Variants in TNRC6B observed in about 807,000 individuals in gnomAD.
TNRC6B encodes the protein trinucleotide repeat containing adaptor 6B.
Under a neutral mutation model 203.6 loss-of-function variants are expected in TNRC6B, and 52 were observed. That is an observed-to-expected ratio of 0.26 (90% CI 0.20 to 0.32). The LOEUF is 0.32. TNRC6B is among the 10% of genes least tolerant of loss of function. The pLI is 1.00. For missense variants in TNRC6B, 1,923 were observed against 2,286.2 expected, an observed-to-expected ratio of 0.84 and a Z score of 3.24; for synonymous variants, 838 against 845.7, an observed-to-expected ratio of 0.99 and a Z score of 0.16.
At chr22:40,145,696 G>T (rs2413617) in intron 3 of TNRC6B, among the ~76,000 whole-genome samples, 54,490 of 151,912 alleles carry the variant, frequency 0.36, 13,116 homozygotes, top group African/African-American at 0.69. Flanking sequence ...ACAAAAATTA[G>T]CTGGGTGTGG....
chr22:40,141,811 G>A (rs528483346), intron 3 of TNRC6B, among the ~76,000 whole-genome samples: 2 of 151,960 alleles, frequency 1.3e-5, no homozygotes, highest in African/African-American at 2.4e-5. Context: ...GTCTTGCTCT[G>A]TCACCCAGGT....
At chr22:40,143,990 C>A (rs2068668803) in intron 3 of TNRC6B, among the ~76,000 whole-genome samples, 1 of 152,130 alleles carries the variant, frequency 6.6e-6, no homozygotes, top group Admixed American at 6.5e-5. Context: ...TATTCATGAG[C>A]AAAATACAAA....
rs111363369 is a variant in TNRC6B, at chr22:40,229,213, C to T, written c.6-16802C>T. Among the ~76,000 whole-genome samples the T allele has an allele frequency of 9.9e-5, 15 of 152,266 alleles. 1 individual carries two copies. Among genetic ancestry groups the T allele is most frequent in the African/African-American group, 3.6e-4 (15 of 41,548 alleles). The stretch of plus-strand genomic sequence containing the variant: ...CAGCTCTAAAAATTCAGACATTTGC[C>T]TTATTAAGCTCTTTTCTACAAGAGA... On this transcript the variant is annotated intron_variant, in intron 1 of 22. Coordinates refer to ENST00000454349, the MANE Select transcript of TNRC6B (RefSeq NM_001162501.2).
intron 1 of TNRC6B, among the ~76,000 whole-genome samples, chr22:40,193,833 A>C (rs1738041033): frequency 1.3e-5 from 2 of 151,962 alleles, no homozygotes; most frequent in South Asian, 4.2e-4. Context: ...AAGATAAAAC[A>C]TGTGGAACAG....
chr22:40,248,510 A>G (rs1009885622), intron 2 of TNRC6B, among the ~76,000 whole-genome samples: 3 of 152,228 alleles, frequency 2.0e-5, no homozygotes, highest in Non-Finnish European at 4.4e-5. Context: ...TTCTTAAACT[A>G]CAAATATCAA....
At chr22:40,271,006 C>T (rs958337928) in intron 6 of TNRC6B, among the ~76,000 whole-genome samples, 7 of 152,198 alleles carry the variant, frequency 4.6e-5, no homozygotes, top group South Asian at 2.1e-4. Flanking sequence ...CTTCCTTTGC[C>T]GTTGTCTCTC....
intron 1 of TNRC6B, among the ~76,000 whole-genome samples, chr22:40,055,232 A>G (rs2067783525): frequency 6.6e-6 from 1 of 152,292 alleles, no homozygotes; most frequent in East Asian, 1.9e-4. Context: ...ATTTAGTGTA[A>G]TAAGTGCTGT....
chr22:40,049,809 G>T (rs1311315439), intron 1 of TNRC6B, among the ~76,000 whole-genome samples: 1 of 151,934 alleles, frequency 6.6e-6, no homozygotes, highest in Non-Finnish European at 1.5e-5. Context: ...TCACCATGTT[G>T]GCCAGGCTGA....
intron 12 of TNRC6B, among the ~76,000 whole-genome samples, chr22:40,289,681 C>T (rs1019393435): frequency 6.6e-6 from 1 of 152,184 alleles, no homozygotes; most frequent in African/African-American, 2.4e-5. Flanking sequence ...TCTCAACCTT[C>T]GAACCTCTCC....
chr22:40,089,040 C>T (rs1366236551), intron 1 of TNRC6B, among the ~76,000 whole-genome samples: 1 of 152,004 alleles, frequency 6.6e-6, no homozygotes, highest in Non-Finnish European at 1.5e-5. Context: ...TGGAACATAC[C>T]AGTGATCTTG....
chr22:40,266,441 G>C lies in TNRC6B; in HGVS notation c.2211G>C (p.Gln737His), dbSNP rs1461408717. 1.2e-6 allele frequency: 2 copies of C among 1,613,952 alleles called. No individual in the cohort carries two copies. Among genetic ancestry groups the C allele is most frequent in the Non-Finnish European group, 1.7e-6 (2 of 1,179,864 alleles). ...SKDQGWGGGRQPNQGWSSGKN... is the reference protein window; with the variant it reads ...SKDQGWGGGRHPNQGWSSGKN... ...ATCAGGGGTGGGGAGGTGGACGCCA[G>C]CCCAATCAAGGATGGTCTTCTGGAA... is the stretch of plus-strand genomic sequence containing the variant. The change falls in exon 5 of 23, where the codon CAG becomes CAC. Residue 737 changes from glutamine to histidine, a missense_variant. Gln to His is a conservative substitution (Grantham distance 24). Transcript: ENST00000454349.
rs10534254 is a variant in TNRC6B at position 40,331,645 on chromosome 22, A to AT, written c.*8429dup. 2,405 of 133,108 alleles carry AT rather than the reference A, an allele frequency of 0.018. 45 individuals carry two copies. The highest frequency in any genetic ancestry group is 0.05 in the African/African-American group (1,150 of 22,880). The allele number at this position is 133,108 out of a possible 1,614,324, so 8.2% of individuals were successfully genotyped here. On this transcript the variant is annotated 3_prime_UTR_variant, in exon 23 of 23. Coordinates refer to ENST00000454349, the MANE Select transcript of TNRC6B (RefSeq NM_001162501.2). The stretch of plus-strand genomic sequence containing the variant: ...ACTGAATTTAAGAAGAGGTTGTTGG[A>AT]TTTTTTTTTTTTTTTTTTTTTTTTT...
At chr22:40,070,804 T>G (rs2067940069) in intron 1 of TNRC6B, among the ~76,000 whole-genome samples, 1 of 152,022 alleles carries the variant, frequency 6.6e-6, no homozygotes, top group Non-Finnish European at 1.5e-5. Context: ...ACTAATAAGA[T>G]GCACTTACCA....
At chr22:40,158,590 G>A (rs868065037) in intron 4 of TNRC6B, among the ~76,000 whole-genome samples, 42 of 152,104 alleles carry the variant, frequency 2.8e-4, no homozygotes, top group African/African-American at 9.4e-4. Context: ...CAAGTTTTAT[G>A]TTATACAAAC....
chr22:40,106,609 T>A, intron 1 of TNRC6B: 1 of 728,160 alleles, frequency 1.4e-6, no homozygotes, highest in Non-Finnish European at 2.5e-6. Context: ...TGTAGATAAG[T>A]TCATTTAGTG....
At chr22:40,307,071 T>G (rs12484951) in intron 15 of TNRC6B, among the ~76,000 whole-genome samples, 28,897 of 139,224 alleles carry the variant, frequency 0.21, 3,389 homozygotes, top group Admixed American at 0.35. Flanking sequence ...TCCAATCATT[T>G]TGAACTAGTA....
At chr22:40,157,488 G>A (rs970400859) in intron 4 of TNRC6B, among the ~76,000 whole-genome samples, 1 of 152,108 alleles carries the variant, frequency 6.6e-6, no homozygotes, top group Non-Finnish European at 1.5e-5. Flanking sequence ...GGCTCGTCTT[G>A]TATTTGTTGT....
intron 2 of TNRC6B, among the ~76,000 whole-genome samples, chr22:40,123,951 GAGAA>G (rs2068466166): frequency 6.9e-6 from 1 of 144,496 alleles, no homozygotes; most frequent in African/African-American, 2.6e-5. Flanking sequence ...AAATCAACTA[GAGAA>G]AGCCTATTTT....
chr22:40,108,883 A>G (rs1219652171), intron 1 of TNRC6B, among the ~76,000 whole-genome samples: 1 of 152,200 alleles, frequency 6.6e-6, no homozygotes, highest in African/African-American at 2.4e-5. Context: ...TCACCTAAAT[A>G]TTAAGCCCAG....
Sources: gnomAD v4.1 joint callset for allele counts (sites outside exome capture counted in the v4.1 genomes callset) on GRCh38, gnomAD v4.1.1 for gene constraint, MANE v1.5 for transcripts, NCBI Gene and HGNC (gene_info 2026-07-23, HGNC 2026-07-21) for gene names.